AP3S1: variants seen among roughly 807,000 people sequenced by gnomAD.
AP3S1 encodes AP-3 complex subunit sigma-1.
Under a neutral mutation model 21.3 loss-of-function variants are expected in AP3S1, and 12 were observed. That is an observed-to-expected ratio of 0.56 (90% confidence interval 0.36 to 0.91). The LOEUF (loss-of-function observed/expected upper bound fraction) is 0.91, where lower values mean the gene tolerates loss of function less well. Among genes scored for constraint, AP3S1 ranks in the 40% least tolerant of loss-of-function variants. AP3S1 has a pLI of 0.01. For synonymous variants in AP3S1, 48 were observed against 78.4 expected (o/e 0.61, Z 2.05); for missense variants, 116 against 225.0 (o/e 0.52, Z 3.10).
intron 1 of AP3S1, among the ~76,000 whole-genome samples, chr5:115,845,301 A>G (rs1761974177): frequency 6.6e-6 from 1 of 152,166 alleles, no homozygotes; most frequent in Non-Finnish European, 1.5e-5. Flanking sequence ...AAAATGTTTA[A>G]CCATTTGCCA....
chr5:115,904,238 A>C (rs550405895), intron 5 of AP3S1: 2 of 152,234 alleles, frequency 1.3e-5, no homozygotes, highest in Non-Finnish European at 2.9e-5. Context: ...CGTTGATTTA[A>C]AGTAAATATT....
intron 5 of AP3S1, among the ~76,000 whole-genome samples, chr5:115,910,128 G>T (rs185641368): frequency 9.3e-4 from 142 of 152,066 alleles, no homozygotes; most frequent in South Asian, 3.1e-3. Context: ...TTAGCTAGGC[G>T]TGGTGGGACA....
intron 2 of AP3S1, 58 bp downstream of exon 2, chr5:115,866,819 C>T (rs1270584657): frequency 2.6e-6 from 3 of 1,148,506 alleles, no homozygotes; most frequent in African/African-American, 1.6e-5. Context: ...AAAATATATA[C>T]TGTTTAATCA....
chr5:115,900,185 A>G (rs906668857), intron 4 of AP3S1, among the ~76,000 whole-genome samples: 1 of 152,232 alleles, frequency 6.6e-6, no homozygotes, highest in Admixed American at 6.5e-5. Flanking sequence ...GAAAGGCCAG[A>G]TAAATTCTAG....
intron 5 of AP3S1, chr5:115,907,003 T>A (rs1306446689): frequency 8.0e-7 from 1 of 1,244,566 alleles, no homozygotes; most frequent in Non-Finnish European, 1.0e-6. Context: ...TCCATTCTAG[T>A]TTCTCCTTGT....
chr5:115,894,940 CT>C (rs1480745111), intron 3 of AP3S1, 146 bp from the exon 4 acceptor site: 14 of 529,080 alleles, frequency 2.6e-5, no homozygotes, highest in Non-Finnish European at 3.6e-5. Context: ...TCTTTTTTTA[CT>C]TTTTTTGCAT....
intron 5 of AP3S1, among the ~76,000 whole-genome samples, chr5:115,909,760 TG>T (rs1342026094): frequency 6.6e-6 from 1 of 152,194 alleles, no homozygotes; most frequent in Non-Finnish European, 1.5e-5. Context: ...CGTTTAAAAA[TG>T]TATTTACAGT....
At chr5:115,893,712 C>G (rs1750515621) in intron 3 of AP3S1, among the ~76,000 whole-genome samples, 1 of 152,146 alleles carries the variant, frequency 6.6e-6, no homozygotes, top group Admixed American at 6.6e-5. Context: ...ACCCCTTTCC[C>G]CATAGGATCA....
intron 3 of AP3S1, among the ~76,000 whole-genome samples, chr5:115,894,634 T>G (rs1750593674): frequency 6.6e-6 from 1 of 152,220 alleles, no homozygotes; most frequent in Non-Finnish European, 1.5e-5. Flanking sequence ...AAGTCTGTGC[T>G]TTTTCGCTAA....
At chr5:115,853,096 G>A in intron 1 of AP3S1, 1 of 430,138 alleles carries the variant, frequency 2.3e-6, no homozygotes, top group Non-Finnish European at 4.6e-6. Flanking sequence ...CACCAACAAT[G>A]TCTGAGGGCT....
intron 3 of AP3S1, among the ~76,000 whole-genome samples, chr5:115,882,418 A>C (rs959562450): frequency 1.3e-5 from 2 of 152,110 alleles, no homozygotes; most frequent in Admixed American, 6.5e-5. Flanking sequence ...TGTTGATGCT[A>C]TTCCTTTCTG....
At chr5:115,893,707 T>C (rs763240958) in intron 3 of AP3S1, among the ~76,000 whole-genome samples, 24 of 152,178 alleles carry the variant, frequency 1.6e-4, no homozygotes, top group Non-Finnish European at 2.2e-4. Context: ...ATTTTACCCC[T>C]TTCCCCATAG....
intron 1 of AP3S1, among the ~76,000 whole-genome samples, chr5:115,845,706 C>T (rs1162090535): frequency 3.3e-5 from 5 of 151,620 alleles, no homozygotes; most frequent in African/African-American, 9.7e-5. Flanking sequence ...TGGTAGCGCA[C>T]GCCTATAAGT....
intron 1 of AP3S1, among the ~76,000 whole-genome samples, chr5:115,851,023 G>A (rs1465083356): frequency 6.6e-6 from 1 of 152,128 alleles, no homozygotes; most frequent in African/African-American, 2.4e-5. Flanking sequence ...TATAGTGTGT[G>A]GTGCAGCATT....
chr5:115,908,660 G>T (rs990605671), intron 5 of AP3S1, among the ~76,000 whole-genome samples: 1 of 152,020 alleles, frequency 6.6e-6, no homozygotes, highest in Non-Finnish European at 1.5e-5. Flanking sequence ...AATTTGGAAG[G>T]TTTTTTAAAT....
At chr5:115,863,610 C>T (rs1214611804) in intron 1 of AP3S1, among the ~76,000 whole-genome samples, 1 of 151,996 alleles carries the variant, frequency 6.6e-6, no homozygotes, top group Admixed American at 6.6e-5. Context: ...GAATCTGTAG[C>T]TATAGCTATG....
intron 1 of AP3S1, among the ~76,000 whole-genome samples, chr5:115,854,653 C>T (rs866235752): frequency 8.0e-5 from 12 of 149,838 alleles, no homozygotes; most frequent in African/African-American, 2.9e-4. Context: ...GTTTGGAGTG[C>T]TCTGAGGCTT....
chr5:115,909,378 A>G (rs1468912661), intron 5 of AP3S1, among the ~76,000 whole-genome samples: 1 of 152,206 alleles, frequency 6.6e-6, no homozygotes. Flanking sequence ...TGAAATTTCC[A>G]AGAGTATGTC....
chr5:115,899,875 T>C (rs1048617306), intron 4 of AP3S1, among the ~76,000 whole-genome samples: 1 of 152,108 alleles, frequency 6.6e-6, no homozygotes, highest in African/African-American at 2.4e-5. Context: ...ATAATTAAAG[T>C]ATTTTAGTAG....
Sources: allele counts gnomAD v4.1 joint callset (sites outside exome capture counted in the v4.1 genomes callset), GRCh38; gene constraint gnomAD v4.1.1; transcripts MANE v1.5; gene names NCBI Gene and HGNC (gene_info 2026-07-23, HGNC 2026-07-21).